SLTM: variants seen among roughly 807,000 people sequenced by gnomAD.
The protein encoded by SLTM is SAFB like transcription modulator.
In SLTM, 43 loss-of-function variants were observed where a neutral mutation model predicts 134.6. That is an observed-to-expected ratio of 0.32 (90% confidence interval 0.25 to 0.41). SLTM has a LOEUF of 0.41. SLTM is among the 10% of genes least tolerant of loss of function. SLTM has a pLI of 1.00. For synonymous variants in SLTM, 424 were observed against 432.3 expected, an observed-to-expected ratio of 0.98 and a Z score of 0.24; for missense variants, 1,055 against 1,288.8, an observed-to-expected ratio of 0.82 and a Z score of 2.78.
chr15:58,911,488 C>T (rs1311705021), intron 5 of SLTM, among the ~76,000 whole-genome samples: 1 of 152,210 alleles, frequency 6.6e-6, no homozygotes, highest in Non-Finnish European at 1.5e-5. Context: ...AGAGCTAACA[C>T]ATACCAATGG....
chr15:58,892,060 T>C (rs915623966), intron 14 of SLTM, among the ~76,000 whole-genome samples: 14 of 152,220 alleles, frequency 9.2e-5, no homozygotes, highest in African/African-American at 3.4e-4. Context: ...TGTGTGTCAA[T>C]TATTGTACAG....
chr15:58,917,683 A>T (rs1220505654), intron 2 of SLTM, among the ~76,000 whole-genome samples: 1 of 152,154 alleles, frequency 6.6e-6, no homozygotes, highest in Non-Finnish European at 1.5e-5. Context: ...TTTCCGACAA[A>T]CTACAGACCT....
chr15:58,899,208 GA>G lies in SLTM; in HGVS notation c.1058+260del, dbSNP rs375305679. 2,272 of 345,256 alleles carry G rather than the reference GA, an allele frequency of 6.6e-3. No individual in the cohort carries two copies. Among genetic ancestry groups the G allele is most frequent in the East Asian group, 9.0e-3 (196 of 21,692 alleles). 21.4% of individuals were successfully genotyped at this position (345,256 alleles called of 1,614,324 possible). On this transcript the variant is annotated intron_variant, in intron 7 of 20. Transcript: ENST00000380516. The surrounding 1 kb of genome is among the most constrained non-coding windows in gnomAD (Gnocchi z 5.0). ...TAAAACACAAAAAAATTGTCAATTT[GA>G]AAAAAAAAAACAAAAAACAAAAAAC...
chr15:58,930,264 C>T lies in SLTM; in HGVS notation c.250+2092G>A, dbSNP rs573703718. Among the ~76,000 whole-genome samples, 28 of 148,452 alleles carry T rather than the reference C, an allele frequency of 1.9e-4. No individual in the cohort carries two copies. In the South Asian group the frequency reaches 1.9e-3, roughly 10 times the overall value. The stretch of plus-strand genomic sequence containing the variant: ...GAGTAGCTGGGACTACAGGCACGCG[C>T]GCCACCATGCCCAGCTATTTTTTTT... On this transcript the variant is annotated intron_variant, in intron 2 of 20. Coordinates refer to ENST00000380516, the MANE Select transcript of SLTM (RefSeq NM_024755.4).
At chr15:58,913,785 G>C in intron 3 of SLTM, 89 bp from the exon 4 acceptor site, 1 of 900,034 alleles carries the variant, frequency 1.1e-6, no homozygotes, top group Non-Finnish European at 1.7e-6. Context: ...ACCTTTAAAT[G>C]TGTCAAATTT....
chr15:58,893,995 T>TA lies in SLTM; in HGVS notation c.1482-9dup. 1.9e-6 allele frequency: 3 copies of TA among 1,605,912 alleles called. No individual in the cohort carries two copies. The highest frequency in any genetic ancestry group is 2.5e-6 in the Non-Finnish European group (3 of 1,178,114). ...TTGACAGAGGCTTGTGTCCTGACCA[T>TA]ACCGCCCCAGACAAAAAAACAGAAT... On this transcript the variant is annotated splice_polypyrimidine_tract_variant and intron_variant, in intron 11 of 20. Transcript: ENST00000380516.
At chr15:58,904,089 G>C (rs1292078889) in intron 5 of SLTM, among the ~76,000 whole-genome samples, 1 of 152,074 alleles carries the variant, frequency 6.6e-6, no homozygotes, top group Admixed American at 6.6e-5. Context: ...TGCAACCTCT[G>C]CCTCCCAGGC....
chr15:58,884,397 C>A (rs774642597), intron 19 of SLTM, among the ~76,000 whole-genome samples: 7 of 152,084 alleles, frequency 4.6e-5, no homozygotes, highest in Non-Finnish European at 1.0e-4. Flanking sequence ...CGGCTCACTG[C>A]AACCTCCGCC....
Position 58,894,184 on chromosome 15 carries a change from CACCTTTTACCTGA to C in SLTM, c.1378-4_1386del. 6.2e-7 allele frequency: 1 copy of C among 1,605,154 alleles called. No individual in the cohort carries two copies. Among genetic ancestry groups the C allele is most frequent in the Non-Finnish European group, 8.5e-7 (1 of 1,174,942 alleles). The stretch of plus-strand genomic sequence containing the variant: ...TTCTTCATTTCTTTCTTAGAGGGAT[CACCTTTTACCTGA>C]AAGGTTCGAACCAGAAAAACAATTT... On this transcript the variant is annotated splice_acceptor_variant and splice_polypyrimidine_tract_variant and coding_sequence_variant and intron_variant, in exon 11 of 21. Transcript: ENST00000380516. LOFTEE classifies it high-confidence loss of function.
In SLTM at chr15:58,880,227, C is replaced by T. The variant is rs1281193455; in HGVS notation, c.2997-120G>A. 1.6e-5 allele frequency: 22 copies of T among 1,354,966 alleles called. No homozygotes were observed. The Middle Eastern group carries it at 7.5e-4, about 46-fold the overall frequency. 83.9% of individuals were successfully genotyped at this position (1,354,966 alleles called of 1,614,324 possible). A position where few individuals can be genotyped will look rare whatever the true frequency, so the allele number is the denominator to read the frequency against. On this transcript the variant is annotated intron_variant, in intron 20 of 20. Transcript: ENST00000380516. ...AATCATTTACTCTTTTCAACAGTCC[C>T]GTGAGGTCTGAACCATTGCTAACCC...
chr15:58,924,835 T>G (rs984471891), intron 2 of SLTM, among the ~76,000 whole-genome samples: 13 of 152,216 alleles, frequency 8.5e-5, no homozygotes, highest in African/African-American at 2.9e-4. Context: ...TAGTTTCTTT[T>G]CTTTGAGACA....
At chr15:58,885,809 A>G (rs1277669376) in intron 19 of SLTM, among the ~76,000 whole-genome samples, 2 of 145,218 alleles carry the variant, frequency 1.4e-5, no homozygotes, top group Non-Finnish European at 3.0e-5. Context: ...AAAACAAAAC[A>G]AAAAAAACAA....
intron 2 of SLTM, among the ~76,000 whole-genome samples, chr15:58,922,791 C>A (rs1291422187): frequency 6.6e-6 from 1 of 151,332 alleles, no homozygotes; most frequent in Non-Finnish European, 1.5e-5. Context: ...TGGCTCACTG[C>A]CACCTCCATC....
chr15:58,892,648 A>AT (rs1260434598), intron 14 of SLTM, among the ~76,000 whole-genome samples: 12 of 152,110 alleles, frequency 7.9e-5, no homozygotes, highest in Admixed American at 7.9e-4. Flanking sequence ...CTGGGCCTCC[A>AT]TTTTTTTCAA....
Position 58,913,660 on chromosome 15 carries a change from C to T in SLTM, c.352G>A (p.Asp118Asn), listed in dbSNP as rs1273084976. The change falls in exon 4 of 21, where the codon GAT becomes AAT. Residue 118 changes from aspartate to asparagine, a missense_variant. Coordinates refer to ENST00000380516, the MANE Select transcript of SLTM (RefSeq NM_024755.4). Reference sequence around the variant, plus strand: ...GAGTCCTTTAGTTCATCATTTCCATCTTGCTCATGTGCCTCTTGATTCTCC... The same window carrying T: ...GAGTCCTTTAGTTCATCATTTCCATTTTGCTCATGTGCCTCTTGATTCTCC... ...ELENQEAHEQ[D>N]GNDELKDSEE... 6.2e-7 allele frequency: 1 copy of T among 1,613,632 alleles called. No homozygotes were observed. Among genetic ancestry groups the T allele is most frequent in the Non-Finnish European group, 8.5e-7 (1 of 1,179,854 alleles).
chr15:58,893,435 T>G (rs1399870380), intron 12 of SLTM, 71 bp from the exon 13 acceptor site: 5 of 1,052,714 alleles, frequency 4.7e-6, no homozygotes, highest in Non-Finnish European at 7.0e-6. Flanking sequence ...TATGTAAAAA[T>G]GCTAAATTCT....
Position 58,933,615 on chromosome 15 carries a change from G to GGCA in SLTM, c.-53_-51dup. The GGCA allele has an allele frequency of 6.7e-7, 1 of 1,493,292 alleles. No homozygotes were observed. The highest frequency in any genetic ancestry group is 8.9e-7 in the Non-Finnish European group (1 of 1,121,526). The allele number at this position is 1,493,292 out of a possible 1,614,324, so 92.5% of individuals were successfully genotyped here. A position where few individuals can be genotyped will look rare whatever the true frequency, so the allele number is the denominator to read the frequency against. On this transcript the variant is annotated 5_prime_UTR_variant, in exon 1 of 21. Transcript: ENST00000380516. ...GGCAGCGAGTGGGCTGCAGGGCGGCGGCAGCAGCGCCAACTTCCACCCAGG... is the reference window on the plus strand; with the variant it reads ...GGCAGCGAGTGGGCTGCAGGGCGGCGGCAGCAGCAGCGCCAACTTCCACCCAGG...
At chr15:58,910,886 A>G (rs1438163061) in intron 5 of SLTM, among the ~76,000 whole-genome samples, 2 of 151,904 alleles carry the variant, frequency 1.3e-5, no homozygotes, top group Non-Finnish European at 2.9e-5. Context: ...CTGGAACTAC[A>G]GGTGTCCAAC....
intron 2 of SLTM, among the ~76,000 whole-genome samples, chr15:58,920,662 T>TAAATAAAA (rs1422520048): frequency 1.8e-4 from 25 of 135,704 alleles, no homozygotes; most frequent in African/African-American, 4.5e-4. Context: ...AATAAATAAA[T>TAAATAAAA]AAAAATTTTT....
Sources: gnomAD v4.1 joint callset for allele counts (sites outside exome capture counted in the v4.1 genomes callset) on GRCh38, gnomAD v4.1.1 for gene constraint, Gnocchi (gnomAD v3.1) non-coding constraint, MANE v1.5 for transcripts, NCBI Gene and HGNC (gene_info 2026-07-23, HGNC 2026-07-21) for gene names.